The following ATF7IP2 variants were observed in gnomAD, a reference collection of about 807,000 sequenced individuals.
ATF7IP2 encodes activating transcription factor 7-interacting protein 2.
In ATF7IP2, 42 loss-of-function variants were observed where a neutral mutation model predicts 64.2. The observed-to-expected ratio is 0.65, with a 90% CI of 0.51 to 0.85. The LOEUF (loss-of-function observed/expected upper bound fraction) is 0.85, where lower values mean the gene tolerates loss of function less well. ATF7IP2 is among the 40% of genes least tolerant of loss of function. The pLI, the probability that ATF7IP2 is intolerant of heterozygous loss-of-function variation, is 0.00. For missense variants in ATF7IP2, 933 were observed against 784.2 expected, an observed-to-expected ratio of 1.19 and a Z score of -2.27; for synonymous variants, 308 against 272.8, an observed-to-expected ratio of 1.13 and a Z score of -1.27.
At chr16:10,402,927 G>C (rs968539610) in intron 1 of ATF7IP2, among the ~76,000 whole-genome samples, 2 of 151,350 alleles carry the variant, frequency 1.3e-5, no homozygotes, top group Non-Finnish European at 2.9e-5. Context: ...AAAAAATGTT[G>C]AGTCTTGTTT....
chr16:10,398,879 C>T (rs567371298), intron 1 of ATF7IP2, among the ~76,000 whole-genome samples: 80 of 152,128 alleles, frequency 5.3e-4, no homozygotes, highest in Middle Eastern at 3.4e-3. Context: ...TTTGGGAGGC[C>T]GAGGCAGGCA....
chr16:10,470,630 A>C (rs985164851), intron 9 of ATF7IP2, among the ~76,000 whole-genome samples: 22 of 151,924 alleles, frequency 1.4e-4, no homozygotes, highest in Non-Finnish European at 2.9e-4. Flanking sequence ...AAATTTTTTT[A>C]AAAAGTTAGC....
Position 10,399,370 on chromosome 16 carries a change from A to G in ATF7IP2, c.-242+13248A>G, listed in dbSNP as rs563199588. ...ATGAGAGTTTATTTTTAAGTATGGT[A>G]ACAGATAGGGATTCAGTTTCATTCT... On this transcript the variant is annotated intron_variant, in intron 1 of 13. Transcript: ENST00000562102. Among the ~76,000 whole-genome samples, 21 of 152,296 alleles carry G rather than the reference A, an allele frequency of 1.4e-4. No individual in the cohort carries two copies. In the South Asian group the frequency reaches 2.1e-3, roughly 15 times the overall value.
At position 10,461,967 on chromosome 16, in the gene ATF7IP2, T is replaced by G. The variant is rs116270330; in HGVS notation, c.1352+4438T>G. ...ACTACCTGTTTTCTGTTTGCCCTGTTTTATGGTCCTTTTCCTCATATGTAT... is the reference window on the plus strand; with the variant it reads ...ACTACCTGTTTTCTGTTTGCCCTGTGTTATGGTCCTTTTCCTCATATGTAT... On this transcript the variant is annotated intron_variant, in intron 9 of 13. Coordinates refer to ENST00000562102, the MANE Select transcript of ATF7IP2 (RefSeq NM_001393719.1). 8.1e-3 allele frequency among the ~76,000 whole-genome samples: 1,231 copies of G among 152,208 alleles called. 12 individuals are homozygous for G. Among genetic ancestry groups the G allele is most frequent in the African/African-American group, 0.028 (1,147 of 41,576 alleles).
chr16:10,419,328 C>T (rs1198310039), intron 2 of ATF7IP2, among the ~76,000 whole-genome samples: 1 of 152,136 alleles, frequency 6.6e-6, no homozygotes, highest in Non-Finnish European at 1.5e-5. Context: ...ACAGTTCCTT[C>T]CTCATGTGGG....
intron 8 of ATF7IP2, among the ~76,000 whole-genome samples, chr16:10,452,044 C>T (rs1021907879): frequency 2.0e-5 from 3 of 151,882 alleles, no homozygotes; most frequent in African/African-American, 7.3e-5. Flanking sequence ...AAGAGCAAAA[C>T]TCCGTCCCAA....
chr16:10,405,634 A>C (rs57045651), intron 1 of ATF7IP2, among the ~76,000 whole-genome samples: 3,988 of 152,242 alleles, frequency 0.026, 150 homozygotes, highest in African/African-American at 0.091. Context: ...CCGGACAAAA[A>C]GGCCAAACCA....
chr16:10,427,696 A>AT (rs1169393280), intron 3 of ATF7IP2, among the ~76,000 whole-genome samples: 3 of 152,002 alleles, frequency 2.0e-5, no homozygotes, highest in African/African-American at 7.2e-5. Flanking sequence ...TATCCACAGA[A>AT]TTTTTTTTAC....
At chr16:10,477,710 TC>T (rs2050063562) in intron 12 of ATF7IP2, among the ~76,000 whole-genome samples, 1 of 151,900 alleles carries the variant, frequency 6.6e-6, no homozygotes, top group Non-Finnish European at 1.5e-5. Flanking sequence ...AGTCAAATTG[TC>T]CCTGTTTGCA....
intron 5 of ATF7IP2, among the ~76,000 whole-genome samples, chr16:10,433,324 C>T (rs573361671): frequency 2.0e-5 from 3 of 152,154 alleles, no homozygotes; most frequent in East Asian, 3.9e-4. Flanking sequence ...TACGGGCATG[C>T]CCCACCATAC....
intron 2 of ATF7IP2, among the ~76,000 whole-genome samples, chr16:10,417,799 A>G (rs923139340): frequency 1.3e-5 from 2 of 152,250 alleles, no homozygotes; most frequent in Admixed American, 1.3e-4. Flanking sequence ...AGTAATCAAG[A>G]TAATGTGGTA....
intron 1 of ATF7IP2, among the ~76,000 whole-genome samples, chr16:10,395,730 C>T (rs958066164): frequency 1.3e-5 from 2 of 152,040 alleles, no homozygotes; most frequent in African/African-American, 4.8e-5. Flanking sequence ...TCCAGTGTCC[C>T]TTCATGATAA....
chr16:10,393,024 A>G (rs1284964250), intron 1 of ATF7IP2, among the ~76,000 whole-genome samples: 1 of 152,000 alleles, frequency 6.6e-6, no homozygotes, highest in African/African-American at 2.4e-5. Flanking sequence ...AAATGAAACC[A>G]TTAGGCCAGG....
chr16:10,411,919 C>CTCAGCTTTTCTTGGTTTAT (rs2047769552), intron 1 of ATF7IP2, among the ~76,000 whole-genome samples: 1 of 130,274 alleles, frequency 7.7e-6, no homozygotes, highest in African/African-American at 2.8e-5. Context: ...TTTTTTTTTT[C>CTCAGCTTTTCTTGGTTTAT]CTCAGCTTTT....
chr16:10,431,191 G>T lies in ATF7IP2; in HGVS notation c.571G>T (p.Asp191Tyr), dbSNP rs2048236880. Reference protein sequence around the residue: ...PESTVTSTVGDKKTDQMVFHL... With the variant: ...PESTVTSTVGYKKTDQMVFHL... ...GTCTACAGTAACCAGTACCGTGGGT[G>T]ACAAGAAAACTGACCAGATGGTTTT... Residue 191 changes from aspartate to tyrosine, a missense_variant, in exon 5 of 14, where the codon GAC (aspartate) becomes TAC (tyrosine). Asp to Tyr is a radical substitution (Grantham distance 160). Transcript: ENST00000562102. 1 of 1,614,096 alleles carries T rather than the reference G, an allele frequency of 6.2e-7. No homozygotes were observed. Among genetic ancestry groups the T allele is most frequent in the Non-Finnish European group, 8.5e-7 (1 of 1,180,044 alleles).
At chr16:10,476,631 C>T (rs1472627637) in intron 12 of ATF7IP2, among the ~76,000 whole-genome samples, 1 of 152,040 alleles carries the variant, frequency 6.6e-6, no homozygotes, top group Non-Finnish European at 1.5e-5. Flanking sequence ...CATGCATTAA[C>T]TATTTTTCCT....
intron 8 of ATF7IP2, chr16:10,454,376 C>T (rs1377039938): frequency 7.8e-6 from 1 of 128,008 alleles, no homozygotes; most frequent in African/African-American, 2.8e-5. Flanking sequence ...TGCCACTGTA[C>T]TCCAGCCCAG....
intron 9 of ATF7IP2, among the ~76,000 whole-genome samples, chr16:10,470,714 T>C (rs1160978975): frequency 6.6e-6 from 1 of 151,526 alleles, no homozygotes; most frequent in Non-Finnish European, 1.5e-5. Context: ...AGCCCAGAGG[T>C]TCAGGCTTCA....
chr16:10,451,734 A>G (rs1326934003), intron 8 of ATF7IP2, among the ~76,000 whole-genome samples: 21 of 151,732 alleles, frequency 1.4e-4, no homozygotes, highest in Non-Finnish European at 3.1e-4. Context: ...CCTTTTTTCA[A>G]AGCTCTTAGC....
Sources: gnomAD v4.1 joint callset for allele counts (sites outside exome capture counted in the v4.1 genomes callset) on GRCh38, gnomAD v4.1.1 for gene constraint, MANE v1.5 for transcripts, NCBI Gene and HGNC (gene_info 2026-07-23, HGNC 2026-07-21) for gene names.